Variants in RNF38 observed in about 807,000 individuals in gnomAD.
RNF38 encodes the protein E3 ubiquitin-protein ligase RNF38.
A neutral mutation model predicts 67.2 loss-of-function variants in RNF38; 15 were observed. That is an observed-to-expected ratio of 0.22 (90% CI 0.15 to 0.34). The LOEUF is 0.34. Ranked by LOEUF, RNF38 falls within the 10% of genes least tolerant of loss-of-function variation. The probability of loss-of-function intolerance (pLI) is 1.00; values close to 1 mark genes in which losing one functional copy is unlikely to be tolerated. For missense variants in RNF38, 524 were observed against 639.9 expected, an observed-to-expected ratio of 0.82 and a Z score of 1.95; for synonymous variants, 220 against 218.8, an observed-to-expected ratio of 1.01 and a Z score of -0.05.
At chr9:36,407,015 A>AC (rs953242664) in intron 2 of RNF38, among the ~76,000 whole-genome samples, 9 of 152,194 alleles carry the variant, frequency 5.9e-5, no homozygotes, top group South Asian at 2.1e-4. Context: ...TACAAAAAAA[A>AC]CCCAAAAAAC....
intron 1 of RNF38, among the ~76,000 whole-genome samples, chr9:36,464,412 C>CA (rs998980023): frequency 4.7e-5 from 7 of 150,024 alleles, no homozygotes; most frequent in South Asian, 4.2e-4. Flanking sequence ...ACTAAAAATA[C>CA]AAAAAAAAAT....
intron 1 of RNF38, among the ~76,000 whole-genome samples, chr9:36,426,303 C>T (rs1209868034): frequency 6.6e-6 from 1 of 151,940 alleles, no homozygotes; most frequent in Non-Finnish European, 1.5e-5. Flanking sequence ...GACATTTTCA[C>T]CACCCTAAAA....
intron 1 of RNF38, among the ~76,000 whole-genome samples, chr9:36,395,780 TTAAAAGG>T (rs1180618901): frequency 1.1e-4 from 17 of 152,158 alleles, no homozygotes; most frequent in Non-Finnish European, 2.1e-4. Context: ...TAGCGACAAT[TTAAAAGG>T]TAACTAGAAG....
chr9:36,399,525 T>TATATATTATATAATACC (rs1837833196), intron 1 of RNF38, among the ~76,000 whole-genome samples: 2 of 148,130 alleles, frequency 1.4e-5, no homozygotes, highest in African/African-American at 4.9e-5. Flanking sequence ...TATAAATAAA[T>TATATATTATATAATACC]ATATTATAAA....
chr9:36,479,815 A>G (rs965154618), intron 1 of RNF38, among the ~76,000 whole-genome samples: 5 of 152,154 alleles, frequency 3.3e-5, no homozygotes, highest in Admixed American at 1.3e-4. Context: ...TATGAGTCCC[A>G]GCCGGGCATA....
intron 1 of RNF38, among the ~76,000 whole-genome samples, chr9:36,474,333 T>C (rs1255605327): frequency 6.7e-6 from 1 of 148,296 alleles, no homozygotes; most frequent in African/African-American, 2.5e-5. Flanking sequence ...AACCCTAGCA[T>C]AGTAATTCAG....
intron 1 of RNF38, among the ~76,000 whole-genome samples, chr9:36,447,185 T>G (rs938434504): frequency 3.3e-5 from 5 of 151,790 alleles, no homozygotes; most frequent in South Asian, 4.1e-4. Flanking sequence ...TGGCCAAAAA[T>G]TTTGAGTAAG....
intron 1 of RNF38, among the ~76,000 whole-genome samples, chr9:36,430,711 G>A (rs1228092025): frequency 6.6e-6 from 1 of 151,948 alleles, no homozygotes; most frequent in African/African-American, 2.4e-5. Flanking sequence ...TTTTCCATTT[G>A]AATGGAAATA....
intron 8 of RNF38, among the ~76,000 whole-genome samples, chr9:36,352,233 G>C (rs1833746492): frequency 6.6e-6 from 1 of 151,890 alleles, no homozygotes; most frequent in South Asian, 2.1e-4. Flanking sequence ...CTGGGAGGCA[G>C]AGCTTGCAGT....
upstream of RNF38, chr9:36,400,799 C>T (rs563596190): frequency 6.6e-4 from 648 of 985,520 alleles, 4 homozygotes; most frequent in African/African-American, 9.0e-3. Flanking sequence ...AGTCGCCTAA[C>T]GCCTCGGAGG....
chr9:36,367,207 G>C (rs1389260755), intron 4 of RNF38, among the ~76,000 whole-genome samples: 2 of 152,154 alleles, frequency 1.3e-5, no homozygotes, highest in Non-Finnish European at 2.9e-5. Flanking sequence ...CTTAAGGACA[G>C]AACTAGCACC....
At chr9:36,427,989 C>T (rs1366121309) in intron 1 of RNF38, among the ~76,000 whole-genome samples, 2 of 151,532 alleles carry the variant, frequency 1.3e-5, no homozygotes, top group Non-Finnish European at 1.5e-5. Flanking sequence ...AGATTACAGG[C>T]GTTAGCCACT....
chr9:36,397,109 T>G lies in RNF38; in HGVS notation c.12+2988A>C, dbSNP rs998468833. 1.1e-4 allele frequency among the ~76,000 whole-genome samples: 17 copies of G among 148,488 alleles called. 1 individual carries two copies. The highest frequency in any genetic ancestry group is 3.3e-4 in the Admixed American group (5 of 14,978). ...TATATATATATATATGTTTTGTTTT[T>G]TTTTTTTTGAGACAGAGCTTTGCTC... On this transcript the variant is annotated intron_variant, in intron 1 of 11. Coordinates refer to ENST00000259605, the MANE Select transcript of RNF38 (RefSeq NM_022781.5).
At chr9:36,378,945 G>C (rs1835996522) in intron 2 of RNF38, among the ~76,000 whole-genome samples, 1 of 150,252 alleles carries the variant, frequency 6.7e-6, no homozygotes, top group African/African-American at 2.5e-5. Flanking sequence ...TTGTTGCCCA[G>C]GCTGGAGTGC....
intron 3 of RNF38, chr9:36,372,522 AT>A: frequency 1.4e-6 from 1 of 714,930 alleles, no homozygotes; most frequent in Non-Finnish European, 2.6e-6. Flanking sequence ...CTGCTAGATT[AT>A]TGTTAAAAAC....
intron 1 of RNF38, among the ~76,000 whole-genome samples, chr9:36,398,080 A>G (rs926957353): frequency 6.6e-6 from 1 of 152,230 alleles, no homozygotes; most frequent in African/African-American, 2.4e-5. Context: ...TTAAATAACA[A>G]TCATAATTCA....
chr9:36,397,095 A>G (rs965358609), intron 1 of RNF38, among the ~76,000 whole-genome samples: 1 of 135,274 alleles, frequency 7.4e-6, no homozygotes, highest in Non-Finnish European at 1.5e-5. Context: ...ATATATATAT[A>G]TATGTTTTGT....
intron 1 of RNF38, among the ~76,000 whole-genome samples, chr9:36,397,126 G>A (rs1186001880): frequency 6.9e-6 from 1 of 144,670 alleles, no homozygotes; most frequent in African/African-American, 2.6e-5. Flanking sequence ...TTGAGACAGA[G>A]CTTTGCTCTT....
chr9:36,416,397 C>A (rs866342514), intron 2 of RNF38, among the ~76,000 whole-genome samples: 1 of 152,074 alleles, frequency 6.6e-6, no homozygotes, highest in African/African-American at 2.4e-5. Context: ...CTGACAACAC[C>A]GTTATATCCA....
Sources: allele counts gnomAD v4.1 joint callset (sites outside exome capture counted in the v4.1 genomes callset), GRCh38; gene constraint gnomAD v4.1.1; transcripts MANE v1.5; gene names NCBI Gene and HGNC (gene_info 2026-07-23, HGNC 2026-07-21).